NCKAP1: variants seen among roughly 807,000 people sequenced by gnomAD.
NCKAP1 encodes the protein nck-associated protein 1.
Under a neutral mutation model 151.2 loss-of-function variants are expected in NCKAP1, and 21 were observed. That is an observed-to-expected ratio of 0.14 (90% CI 0.10 to 0.20). The LOEUF is 0.20. NCKAP1 is among the 10% of genes least tolerant of loss of function. The pLI, the probability that NCKAP1 is intolerant of heterozygous loss-of-function variation, is 1.00. For synonymous variants in NCKAP1, 484 were observed against 451.8 expected (o/e 1.07, Z -0.90); for missense variants, 933 against 1,352.1 (o/e 0.69, Z 4.86).
intron 6 of NCKAP1, among the ~76,000 whole-genome samples, chr2:183,000,753 G>GT (rs1698360259): frequency 6.6e-6 from 1 of 152,096 alleles, no homozygotes; most frequent in South Asian, 2.1e-4. Flanking sequence ...TTTCATGGGA[G>GT]TAAAAAAATT....
intron 6 of NCKAP1, among the ~76,000 whole-genome samples, chr2:182,998,633 A>G (rs907238538): frequency 3.3e-5 from 5 of 151,878 alleles, no homozygotes; most frequent in African/African-American, 4.8e-5. Flanking sequence ...AATTTGAGAC[A>G]AGCCTGGTCA....
intron 7 of NCKAP1, 78 bp downstream of exon 7, chr2:182,995,623 A>G: frequency 1.5e-6 from 2 of 1,344,204 alleles, no homozygotes; most frequent in South Asian, 2.7e-5. Context: ...TTAGAAACAA[A>G]CAGCAACAGC....
At chr2:182,999,344 A>C (rs1174717138) in intron 6 of NCKAP1, among the ~76,000 whole-genome samples, 1 of 152,194 alleles carries the variant, frequency 6.6e-6, no homozygotes, top group Non-Finnish European at 1.5e-5. Flanking sequence ...ACGTCAATAA[A>C]CACTTCTCAA....
At chr2:182,935,719 T>C (rs1696860168) in intron 24 of NCKAP1, among the ~76,000 whole-genome samples, 1 of 151,708 alleles carries the variant, frequency 6.6e-6, no homozygotes, top group Non-Finnish European at 1.5e-5. Flanking sequence ...TCAGAAAAGG[T>C]AGGGGCAGAA....
At chr2:183,033,919 T>C (rs779115862) in intron 1 of NCKAP1, among the ~76,000 whole-genome samples, 2 of 152,196 alleles carry the variant, frequency 1.3e-5, no homozygotes, top group Non-Finnish European at 2.9e-5. Context: ...TATATTCCTC[T>C]GGTAATCATT....
At chr2:182,995,884 T>C (rs372493941) in intron 6 of NCKAP1, 46 bp from the exon 7 acceptor site, 2 of 1,520,524 alleles carry the variant, frequency 1.3e-6, no homozygotes, top group African/African-American at 2.7e-5. Flanking sequence ...TTTCTTTCCT[T>C]TTCTGTTTAC....
At chr2:182,957,800 T>C (rs1229062717) in intron 18 of NCKAP1, among the ~76,000 whole-genome samples, 1 of 152,222 alleles carries the variant, frequency 6.6e-6, no homozygotes, top group Non-Finnish European at 1.5e-5. Context: ...CGGGTAGATC[T>C]TGGGTAAATC....
intron 24 of NCKAP1, among the ~76,000 whole-genome samples, chr2:182,935,933 G>A (rs1251583986): frequency 3.3e-5 from 5 of 152,076 alleles, no homozygotes; most frequent in Admixed American, 3.3e-4. Flanking sequence ...CTTACATATT[G>A]GTTAGAGAGC....
intron 20 of NCKAP1, among the ~76,000 whole-genome samples, chr2:182,953,541 T>C (rs1276022714): frequency 1.3e-5 from 2 of 152,180 alleles, no homozygotes; most frequent in Non-Finnish European, 2.9e-5. Flanking sequence ...TTCACGCCTA[T>C]TGTAATCCCA....
At chr2:182,954,164 TCTGC>T (rs765807546) in intron 20 of NCKAP1, among the ~76,000 whole-genome samples, 4 of 152,002 alleles carry the variant, frequency 2.6e-5, no homozygotes, top group Admixed American at 6.5e-5. Flanking sequence ...TGACCGCAGA[TCTGC>T]CTGACTTAGT....
At chr2:182,935,413 A>C in intron 24 of NCKAP1, 38 bp from the exon 25 acceptor site, 1 of 1,265,756 alleles carries the variant, frequency 7.9e-7, no homozygotes, top group Non-Finnish European at 1.1e-6. Context: ...AGAATAAAAA[A>C]GTGTGAACTG....
At chr2:183,002,307 T>G (rs1228931820) in intron 4 of NCKAP1, 38 bp from the exon 5 acceptor site, 1 of 1,362,624 alleles carries the variant, frequency 7.3e-7, no homozygotes, top group East Asian at 2.4e-5. Flanking sequence ...TACTTCCTAT[T>G]TCTTAAAATT....
chr2:182,953,166 T>G lies in NCKAP1; in HGVS notation c.2319A>C (p.Thr773=). Residue 773 remains threonine, a synonymous_variant, in exon 21 of 31, where the codon ACA becomes ACC. Transcript: ENST00000361354. The part of the protein sequence containing the change: ...RVFNNVLLQQ[T]QHLDSHGEPT... ...GCTCTCCATGACTGTCTAAATGTTG[T>G]GTTTGTTGAAGAAGCACATTATTAA... The G allele has an allele frequency of 6.2e-7, 1 of 1,613,566 alleles. No individual in the cohort carries two copies.
chr2:183,007,718 T>C (rs1022510935), intron 2 of NCKAP1, among the ~76,000 whole-genome samples: 2 of 152,192 alleles, frequency 1.3e-5, no homozygotes, highest in African/African-American at 4.8e-5. Context: ...TTCAAATTCT[T>C]AGTATGATAT....
chr2:182,987,520 TA>T (rs1698081789), intron 9 of NCKAP1, among the ~76,000 whole-genome samples: 1 of 152,188 alleles, frequency 6.6e-6, no homozygotes, highest in Non-Finnish European at 1.5e-5. Context: ...TTATTATTAA[TA>T]AAGCATAACA....
chr2:182,999,521 G>A (rs1348700140), intron 6 of NCKAP1, among the ~76,000 whole-genome samples: 1 of 152,110 alleles, frequency 6.6e-6, no homozygotes, highest in East Asian at 1.9e-4. Context: ...CAAGGCTACT[G>A]GAGAAAAGGA....
intron 23 of NCKAP1, among the ~76,000 whole-genome samples, chr2:182,951,962 G>A (rs1415160215): frequency 6.6e-6 from 1 of 152,010 alleles, no homozygotes; most frequent in Non-Finnish European, 1.5e-5. Flanking sequence ...CAACTTAGAG[G>A]GCATAAGATA....
chr2:182,957,708 T>C (rs1697355120), intron 18 of NCKAP1, 112 bp from the exon 19 acceptor site: 1 of 1,139,166 alleles, frequency 8.8e-7, no homozygotes, highest in Non-Finnish European at 1.2e-6. Context: ...ATCACAACAA[T>C]ATTAAAAGAC....
intron 2 of NCKAP1, among the ~76,000 whole-genome samples, chr2:183,009,485 A>G (rs200325646): frequency 1.3e-5 from 2 of 151,788 alleles, no homozygotes; most frequent in African/African-American, 2.4e-5. Context: ...GAAGCAAGCA[A>G]GCAAGCAGGC....
Sources: allele counts gnomAD v4.1 joint callset (sites outside exome capture counted in the v4.1 genomes callset), GRCh38; gene constraint gnomAD v4.1.1; transcripts MANE v1.5; gene names NCBI Gene and HGNC (gene_info 2026-07-23, HGNC 2026-07-21).